The following SLC61A1 variants were observed in gnomAD, a reference collection of about 807,000 sequenced individuals.
The protein encoded by SLC61A1 is major facilitator superfamily domain containing 5.
chr12:53,253,892 G>T, the SLC61A1 span: 3 of 1,614,200 alleles, frequency 1.9e-6, no homozygotes, highest in Non-Finnish European at 8.5e-7. Context: ...TATTGAGTTG[G>T]CTTGTGGATT....
At chr12:53,252,643 G>A in the SLC61A1 span, among the ~76,000 whole-genome samples, 1 of 152,132 alleles carries the variant, frequency 6.6e-6, no homozygotes, top group South Asian at 2.1e-4. Context: ...AGTGTCCTAG[G>A]AGACAGCTTT....
chr12:53,252,999 C>T, the SLC61A1 span: 1 of 1,614,224 alleles, frequency 6.2e-7, no homozygotes, highest in Non-Finnish European at 8.5e-7. Context: ...GCCCTGGCAG[C>T]TGATTGGCTT....
chr12:53,252,225 G>GGAGCCGGACGTGTCCGGGGCGTCCCCGCA, the SLC61A1 span: 1 of 1,413,352 alleles, frequency 7.1e-7, no homozygotes, highest in African/African-American at 1.5e-5. Flanking sequence ...CTGGCGGCCT[G>GGAGCCGGACGTGTCCGGGGCGTCCCCGCA]GAGCCGGACG....
At chr12:53,252,737 A>C in the SLC61A1 span, 2 of 1,467,734 alleles carry the variant, frequency 1.4e-6, no homozygotes, top group Admixed American at 4.3e-5. Context: ...GGTTGGGTGG[A>C]GCTGCCATCT....
the SLC61A1 span, chr12:53,252,166 G>C: frequency 4.9e-6 from 7 of 1,432,362 alleles, no homozygotes; most frequent in South Asian, 6.0e-5. Flanking sequence ...AGGGGCGGGA[G>C]CGCTGCTGGA....
At chr12:53,254,083 G>C in the SLC61A1 span, 14 of 1,614,074 alleles carry the variant, frequency 8.7e-6, no homozygotes, top group Non-Finnish European at 1.0e-5. Flanking sequence ...CTGCTGTCAT[G>C]GTGATGGCTC....
the SLC61A1 span, chr12:53,252,441 G>A: frequency 3.1e-6 from 4 of 1,294,846 alleles, no homozygotes; most frequent in Non-Finnish European, 3.9e-6. Flanking sequence ...GACAGAGGAT[G>A]AGACACTGAG....
At chr12:53,252,714 G>A in the SLC61A1 span, 6 of 1,360,104 alleles carry the variant, frequency 4.4e-6, no homozygotes, top group South Asian at 1.4e-5. Flanking sequence ...TTGGGGAGTG[G>A]AGTTGGCAGC....
chr12:53,252,479 GGGAGGTAAT>G, the SLC61A1 span: 1 of 1,305,658 alleles, frequency 7.7e-7, no homozygotes, highest in Non-Finnish European at 9.7e-7. Flanking sequence ...CAGCGAGGAC[GGGAGGTAAT>G]AGAAGGAAGT....
At chr12:53,252,696 C>G in the SLC61A1 span, 1 of 1,285,734 alleles carries the variant, frequency 7.8e-7, no homozygotes, top group Non-Finnish European at 1.0e-6. Flanking sequence ...TCCCTCCGGT[C>G]TGAGATCTTG....
chr12:53,253,784 C>T, the SLC61A1 span: 5 of 1,614,104 alleles, frequency 3.1e-6, no homozygotes, highest in African/African-American at 6.7e-5. Context: ...CCTGCTGTCC[C>T]TTGCTGTGCT....
the SLC61A1 span, chr12:53,252,768 C>G: frequency 2.5e-6 from 4 of 1,579,264 alleles, no homozygotes; most frequent in East Asian, 6.7e-5. Context: ...GCCCCTTGAC[C>G]GTGCTGCCCG....
chr12:53,253,500 G>T, the SLC61A1 span: 13 of 1,613,980 alleles, frequency 8.1e-6, no homozygotes, highest in East Asian at 4.5e-5. Flanking sequence ...CTTCGAAACT[G>T]GGGGGAGAAC....
chr12:53,251,833 G>C, the SLC61A1 span: 1 of 1,537,306 alleles, frequency 6.5e-7, no homozygotes, highest in South Asian at 1.2e-5. Context: ...TGGCTCTACC[G>C]GACTGCGGGC....
chr12:53,252,983 T>C, the SLC61A1 span: 1 of 1,614,228 alleles, frequency 6.2e-7, no homozygotes, highest in South Asian at 1.1e-5. Flanking sequence ...TCAGGTCTAC[T>C]TCCTGGCCCT....
At chr12:53,252,458 A>C in the SLC61A1 span, 1 of 1,286,818 alleles carries the variant, frequency 7.8e-7, no homozygotes, top group Non-Finnish European at 9.9e-7. Flanking sequence ...TGAGGGCAAA[A>C]AGAGGCTCCG....
chr12:53,252,132 C>A, the SLC61A1 span: 1 of 1,440,620 alleles, frequency 6.9e-7, no homozygotes, highest in South Asian at 1.5e-5. Flanking sequence ...CAGAGGCCTG[C>A]CCGGCTCCCG....
At chr12:53,252,457 A>C in the SLC61A1 span, 16 of 1,287,914 alleles carry the variant, frequency 1.2e-5, no homozygotes, top group Non-Finnish European at 1.6e-5. Context: ...CTGAGGGCAA[A>C]AAGAGGCTCC....
At chr12:53,251,989 G>A in the SLC61A1 span, 3 of 1,535,174 alleles carry the variant, frequency 2.0e-6, no homozygotes, top group Non-Finnish European at 1.7e-6. Flanking sequence ...GCCTCCTATG[G>A]TCGCCCCTTC....
Sources: allele counts gnomAD v4.1 joint callset (sites outside exome capture counted in the v4.1 genomes callset), GRCh38; gene constraint gnomAD v4.1.1; transcripts MANE v1.5; gene names NCBI Gene and HGNC (gene_info 2026-07-23, HGNC 2026-07-21).